The following LSAMP variants were observed in gnomAD, a reference collection of about 807,000 sequenced individuals.
LSAMP encodes limbic system-associated membrane protein.
Under a neutral mutation model 38.6 loss-of-function variants are expected in LSAMP, and 7 were observed. The ratio of observed to expected loss-of-function variants is 0.18; its 90% confidence interval spans 0.10 to 0.34. The LOEUF is 0.34. Among genes scored for constraint, LSAMP ranks in the 10% least tolerant of loss-of-function variants. The pLI, the probability that LSAMP is intolerant of heterozygous loss-of-function variation, is 1.00. For synonymous variants in LSAMP, 154 were observed against 166.8 expected (o/e 0.92, Z 0.59); for missense variants, 313 against 420.0 (o/e 0.75, Z 2.23).
At chr3:116,251,169 A>C (rs2046680106) in intron 1 of LSAMP, among the ~76,000 whole-genome samples, 1 of 152,232 alleles carries the variant, frequency 6.6e-6, no homozygotes, top group South Asian at 2.1e-4. Flanking sequence ...TGGACAGATT[A>C]GCCAAAACAA....
intron 2 of LSAMP, among the ~76,000 whole-genome samples, chr3:116,065,463 C>CT (rs1273051347): frequency 7.2e-4 from 110 of 152,246 alleles, no homozygotes; most frequent in African/African-American, 2.6e-3. Context: ...TTCCAGTGAT[C>CT]TGTACTGTAC....
At chr3:115,875,885 C>T (rs1247870978) in intron 3 of LSAMP, among the ~76,000 whole-genome samples, 1 of 152,078 alleles carries the variant, frequency 6.6e-6, no homozygotes, top group Admixed American at 6.6e-5. Context: ...TATTTTTCTA[C>T]TGAAATTTAG....
chr3:116,328,992 G>A (rs1052297538), intron 1 of LSAMP, among the ~76,000 whole-genome samples: 1 of 152,054 alleles, frequency 6.6e-6, no homozygotes, highest in Non-Finnish European at 1.5e-5. Context: ...ATTAAGATGG[G>A]TTTATAATTA....
At chr3:116,220,961 T>A (rs1456033656) in intron 1 of LSAMP, among the ~76,000 whole-genome samples, 1 of 152,034 alleles carries the variant, frequency 6.6e-6, no homozygotes, top group East Asian at 1.9e-4. Context: ...GAGACCATCC[T>A]GGCTAACACG....
intron 3 of LSAMP, among the ~76,000 whole-genome samples, chr3:115,936,857 A>G (rs1937720316): frequency 6.6e-6 from 1 of 152,170 alleles, no homozygotes; most frequent in South Asian, 2.1e-4. Context: ...TGACTCTAGG[A>G]AGTTTGGGGA....
At chr3:115,930,660 A>T (rs1414066700) in intron 3 of LSAMP, among the ~76,000 whole-genome samples, 2 of 152,198 alleles carry the variant, frequency 1.3e-5, no homozygotes, top group Non-Finnish European at 1.5e-5. Context: ...TGAAACATGC[A>T]CCTGTATAAA....
intron 3 of LSAMP, among the ~76,000 whole-genome samples, chr3:116,014,154 C>T (rs969398267): frequency 6.6e-6 from 1 of 152,088 alleles, no homozygotes; most frequent in South Asian, 2.1e-4. Flanking sequence ...TTAGCATGTG[C>T]ACCAATTTAG....
intron 3 of LSAMP, among the ~76,000 whole-genome samples, chr3:115,986,616 A>G (rs1357852052): frequency 6.6e-6 from 1 of 151,814 alleles, no homozygotes; most frequent in Non-Finnish European, 1.5e-5. Context: ...CCAAATACCC[A>G]CTTCAGATGT....
intron 3 of LSAMP, among the ~76,000 whole-genome samples, chr3:115,911,721 T>C (rs1005213456): frequency 6.6e-6 from 1 of 152,204 alleles, no homozygotes; most frequent in African/African-American, 2.4e-5. Context: ...CTGGAGCATA[T>C]AGTAGCTGTA....
At chr3:116,350,300 G>A (rs1050448208) in intron 1 of LSAMP, among the ~76,000 whole-genome samples, 3 of 152,036 alleles carry the variant, frequency 2.0e-5, no homozygotes, top group African/African-American at 7.2e-5. Context: ...ACAACTATTG[G>A]TTAAGGACAC....
chr3:116,269,000 C>T (rs2046933471), intron 1 of LSAMP, among the ~76,000 whole-genome samples: 1 of 151,994 alleles, frequency 6.6e-6, no homozygotes, highest in Non-Finnish European at 1.5e-5. Context: ...ATTTCTCTGG[C>T]AGGGGCTAGA....
chr3:115,819,082 G>A (rs1487281438), intron 6 of LSAMP, among the ~76,000 whole-genome samples: 1 of 151,340 alleles, frequency 6.6e-6, no homozygotes. Context: ...CCCGGGAGGC[G>A]GAGGTTGCAG....
chr3:115,933,289 G>A (rs1937610863), intron 3 of LSAMP, among the ~76,000 whole-genome samples: 3 of 152,140 alleles, frequency 2.0e-5, no homozygotes, highest in Admixed American at 2.0e-4. Context: ...GGGAGATACT[G>A]GAGATTTGAA....
At chr3:116,054,630 T>C (rs1941456085) in intron 2 of LSAMP, among the ~76,000 whole-genome samples, 1 of 152,136 alleles carries the variant, frequency 6.6e-6, no homozygotes, top group Non-Finnish European at 1.5e-5. Flanking sequence ...TTACTTATAA[T>C]CAACACTGAA....
intron 3 of LSAMP, among the ~76,000 whole-genome samples, chr3:115,930,002 G>GTGTTTT (rs1937554734): frequency 8.7e-5 from 7 of 80,294 alleles, no homozygotes; most frequent in Admixed American, 2.1e-4. Context: ...TTTAGCAGAA[G>GTGTTTT]TTTTTTTTTT....
At chr3:116,063,370 C>T (rs1020000889) in intron 2 of LSAMP, among the ~76,000 whole-genome samples, 1 of 152,042 alleles carries the variant, frequency 6.6e-6, no homozygotes, top group African/African-American at 2.4e-5. Flanking sequence ...CCTTTTGTTA[C>T]TAATGGGAAA....
intron 1 of LSAMP, among the ~76,000 whole-genome samples, chr3:116,297,861 C>T (rs1441848672): frequency 1.3e-5 from 2 of 152,098 alleles, no homozygotes; most frequent in Non-Finnish European, 2.9e-5. Flanking sequence ...TAGTTTTGCT[C>T]ATGTTTTCTA....
At chr3:115,863,543 ATGTG>A (rs762757339) in intron 3 of LSAMP, among the ~76,000 whole-genome samples, 28,806 of 151,850 alleles carry the variant, frequency 0.19, 3,548 homozygotes, top group African/African-American at 0.33. Context: ...TGTGTTGTAT[ATGTG>A]TTATTCATAT....
chr3:116,164,456 C>T (rs539485706), intron 1 of LSAMP, among the ~76,000 whole-genome samples: 15 of 149,144 alleles, frequency 1.0e-4, no homozygotes, highest in African/African-American at 3.7e-4. Context: ...AAAGCAATGG[C>T]AAAAACCACA....
Sources: allele counts gnomAD v4.1 joint callset (sites outside exome capture counted in the v4.1 genomes callset), GRCh38; gene constraint gnomAD v4.1.1; transcripts MANE v1.5; gene names NCBI Gene and HGNC (gene_info 2026-07-23, HGNC 2026-07-21).